Variants in NPHP4 observed in about 807,000 individuals in gnomAD.
NPHP4 encodes the protein nephrocystin-4.
In NPHP4, 151 loss-of-function variants were observed where a neutral mutation model predicts 155.8. The ratio of observed to expected loss-of-function variants is 0.97; its 90% CI spans 0.85 to 1.11. The LOEUF (loss-of-function observed/expected upper bound fraction) is 1.11, where lower values mean the gene tolerates loss of function less well. NPHP4 is among the 50% of genes least tolerant of loss of function. NPHP4 has a pLI of 0.00. For missense variants in NPHP4, 1,956 were observed against 1,925.7 expected, an observed-to-expected ratio of 1.02 and a Z score of -0.29; for synonymous variants, 845 against 816.8, an observed-to-expected ratio of 1.03 and a Z score of -0.59.
rs1641017672 is a variant in NPHP4, at chr1:5,864,674, G to C, written c.3817-157C>G. On this transcript the variant is annotated intron_variant, in intron 27 of 29. Coordinates refer to ENST00000378156, the MANE Select transcript of NPHP4 (RefSeq NM_015102.5). ...GGCCACAACCAACCCTGACATGACT[G>C]TGGCCGCGACTTGGGTCCACACCAG... 7 of 619,550 alleles carry C rather than the reference G, an allele frequency of 1.1e-5. No individual in the cohort carries two copies. The South Asian group carries it at 1.8e-4, about 16-fold the overall frequency. The allele number at this position is 619,550 out of a possible 1,614,324, so 38.4% of individuals were successfully genotyped here. A position where few individuals can be genotyped will look rare whatever the true frequency, so the allele number is the denominator to read the frequency against.
In NPHP4 at chr1:5,890,824, G is replaced by A; in HGVS notation, c.2304+44C>T. Reference sequence around the variant, plus strand: ...GCTGGAAGCGTGACTCGTCCCATGAGGGACGCAGCACCCACTGTGCCTGTC... The same window carrying A: ...GCTGGAAGCGTGACTCGTCCCATGAAGGACGCAGCACCCACTGTGCCTGTC... On this transcript the variant is annotated intron_variant, in intron 17 of 29. Transcript: ENST00000378156. This position sits in a 1 kb window ranked among gnomAD's most constrained non-coding sequence, Gnocchi z 4.9. 6.4e-7 allele frequency: 1 copy of A among 1,570,868 alleles called. No individual in the cohort carries two copies. The highest frequency in any genetic ancestry group is 1.1e-5 in the South Asian group (1 of 87,730).
rs768773875 is a variant in NPHP4 at position 5,867,998 on chromosome 1, C to T, written c.3316-102G>A. The T allele has an allele frequency of 7.2e-6, 9 of 1,257,966 alleles. No homozygotes were observed. The African/African-American group carries it at 1.0e-4, about 14-fold the overall frequency. 77.9% of individuals were successfully genotyped at this position (1,257,966 alleles called of 1,614,324 possible). On this transcript the variant is annotated intron_variant, in intron 23 of 29. Coordinates refer to ENST00000378156, the MANE Select transcript of NPHP4 (RefSeq NM_015102.5). The surrounding 1 kb of genome is among the most constrained non-coding windows in gnomAD (Gnocchi z 4.1). ...ACGTATCTCCACTGTTGCCAAGACC[C>T]CCTCACCCTCCACTGCCATGAGCGG...
intron 25 of NPHP4, among the ~76,000 whole-genome samples, chr1:5,866,679 A>C (rs1405797791): frequency 1.3e-5 from 2 of 152,240 alleles, no homozygotes; most frequent in African/African-American, 4.8e-5. Flanking sequence ...TAGATTCTAC[A>C]GGAGATTTTA....
intron 20 of NPHP4, chr1:5,876,124 G>A (rs1385899554): frequency 6.6e-6 from 1 of 152,306 alleles, no homozygotes; most frequent in Non-Finnish European, 1.5e-5. Flanking sequence ...AACAGGGATA[G>A]GGCTGAGAGT....
chr1:5,883,039 G>T (rs1376545859), intron 18 of NPHP4, among the ~76,000 whole-genome samples: 1 of 152,180 alleles, frequency 6.6e-6, no homozygotes, highest in African/African-American at 2.4e-5. Flanking sequence ...GGGCACTCAG[G>T]CTTCTTATCA....
Position 5,927,623 on chromosome 1 carries a change from C to A in NPHP4, c.1441+26G>T, listed in dbSNP as rs769884682. The A allele has an allele frequency of 1.5e-5, 24 of 1,582,394 alleles. No individual in the cohort carries two copies. In the Admixed American group the frequency reaches 3.1e-4, roughly 20 times the overall value. ...GAAGTGCTGCCTGCCATGTGCCTGG[C>A]CAGTCAGCTCTCTGGAAACACTTAC... On this transcript the variant is annotated intron_variant, in intron 11 of 29. Transcript: ENST00000378156.
At chr1:5,989,031 C>T (rs774433816) in intron 1 of NPHP4, among the ~76,000 whole-genome samples, 3 of 152,118 alleles carry the variant, frequency 2.0e-5, no homozygotes, top group Admixed American at 6.6e-5. Flanking sequence ...GGACCCTGAC[C>T]CAATTCCATG....
In NPHP4 at chr1:5,978,343, T is replaced by A; in HGVS notation, c.206A>T (p.His69Leu). Residue 69 changes from histidine to leucine, a missense_variant, in exon 3 of 30, where the codon CAC becomes CTC. By Grantham distance (99) the His-to-Leu change is moderately conservative. Transcript: ENST00000378156. ...RVSFFDVTYR[H>L]FFGRTWKTTV... ...GGTTTTCCACGTCCTCCCAAAGAAG[T>A]GCCGGTAGGTGACATCAAAGAAAGA... 1 of 1,609,624 alleles carries A rather than the reference T, an allele frequency of 6.2e-7. No homozygotes were observed. Among genetic ancestry groups the A allele is most frequent in the Non-Finnish European group, 8.5e-7 (1 of 1,178,152 alleles).
intron 3 of NPHP4, among the ~76,000 whole-genome samples, chr1:5,971,462 G>A (rs977816591): frequency 2.0e-5 from 3 of 152,182 alleles, no homozygotes; most frequent in African/African-American, 7.2e-5. Flanking sequence ...TCCAGTGTGG[G>A]AACAGCCCCA....
intron 10 of NPHP4, among the ~76,000 whole-genome samples, chr1:5,931,969 G>A (rs1399174599): frequency 6.6e-6 from 1 of 151,918 alleles, no homozygotes; most frequent in Non-Finnish European, 1.5e-5. Context: ...AGCTACTCAG[G>A]ACACTGAGGT....
chr1:5,974,255 G>C (rs930001732), intron 3 of NPHP4, among the ~76,000 whole-genome samples: 4 of 152,192 alleles, frequency 2.6e-5, no homozygotes, highest in African/African-American at 9.7e-5. Flanking sequence ...TGACTGCCCC[G>C]CTGCTTTGGC....
chr1:5,939,996 T>G (rs981010572), intron 9 of NPHP4, among the ~76,000 whole-genome samples: 3 of 152,086 alleles, frequency 2.0e-5, no homozygotes, highest in African/African-American at 7.2e-5. Flanking sequence ...CTGCCTGCCC[T>G]GGAACAGGCA....
intron 23 of NPHP4, among the ~76,000 whole-genome samples, chr1:5,869,122 CGCACA>C (rs1641700208): frequency 7.6e-6 from 1 of 131,520 alleles, no homozygotes; most frequent in Non-Finnish European, 1.7e-5. Context: ...CATGCACACA[CGCACA>C]ATGCACACAT....
rs1033582050 is a variant in NPHP4, at chr1:5,882,191, G to A, written c.2486-1952C>T. 2 of 151,552 alleles carry A rather than the reference G, an allele frequency of 1.3e-5. No homozygotes were observed. Among genetic ancestry groups the A allele is most frequent in the African/African-American group, 2.4e-5 (1 of 41,136 alleles). The allele number at this position is 151,552 out of a possible 1,614,324, so 9.4% of individuals were successfully genotyped here. On this transcript the variant is annotated intron_variant, in intron 18 of 29. Coordinates refer to ENST00000378156, the MANE Select transcript of NPHP4 (RefSeq NM_015102.5). This position sits in a 1 kb window ranked among gnomAD's most constrained non-coding sequence, Gnocchi z 5.1. Reference sequence around the variant, plus strand: ...ACTTACCCAGCCATCTCTCAGTGGCGCGCTTACCCAGCCATCTCTCAGTGG... The same window carrying A: ...ACTTACCCAGCCATCTCTCAGTGGCACGCTTACCCAGCCATCTCTCAGTGG...
At chr1:5,879,872 TG>T (rs1345915469) in intron 19 of NPHP4, among the ~76,000 whole-genome samples, 1 of 140,792 alleles carries the variant, frequency 7.1e-6, no homozygotes, top group African/African-American at 2.7e-5. Flanking sequence ...CACACACACA[TG>T]CACACACAGA....
chr1:5,991,027 C>A (rs999972519), intron 1 of NPHP4, among the ~76,000 whole-genome samples: 1 of 152,078 alleles, frequency 6.6e-6, no homozygotes, highest in Non-Finnish European at 1.5e-5. Context: ...GCAACAGGCC[C>A]CCGGGAGGGT....
chr1:5,889,691 A>T lies in NPHP4; in HGVS notation c.2304+1177T>A, dbSNP rs914510666. Among the ~76,000 whole-genome samples, 6 of 152,148 alleles carry T rather than the reference A, an allele frequency of 3.9e-5. No individual in the cohort carries two copies. The highest frequency in any genetic ancestry group is 1.4e-4 in the African/African-American group (6 of 41,422). On this transcript the variant is annotated intron_variant, in intron 17 of 29. Transcript: ENST00000378156. This position sits in a 1 kb window ranked among gnomAD's most constrained non-coding sequence, Gnocchi z 4.2. ...GCTAGAGATGCTGTGGTGTCGACAC[A>T]CAGTCCTGCCCTGGGGACATCAAAG...
At chr1:5,864,967 TA>T in intron 27 of NPHP4, 134 bp downstream of exon 27, 1 of 829,150 alleles carries the variant, frequency 1.2e-6, no homozygotes, top group Non-Finnish European at 2.0e-6. Context: ...AGGCCTCTGG[TA>T]ACAGCGTCTG....
At chr1:5,942,585 G>GAA (rs1293272694) in intron 9 of NPHP4, among the ~76,000 whole-genome samples, 6 of 35,952 alleles carry the variant, frequency 1.7e-4, no homozygotes, top group South Asian at 9.4e-4. Flanking sequence ...AATCATAAAT[G>GAA]ACAAAAAAAA....
Sources: allele counts gnomAD v4.1 joint callset (sites outside exome capture counted in the v4.1 genomes callset), GRCh38; gene constraint gnomAD v4.1.1; non-coding constraint Gnocchi (gnomAD v3.1); transcripts MANE v1.5; gene names NCBI Gene and HGNC (gene_info 2026-07-23, HGNC 2026-07-21).